SORCS2: variants seen among roughly 807,000 people sequenced by gnomAD.
The protein encoded by SORCS2 is VPS10 domain-containing receptor SorCS2.
SORCS2 carries 100 observed loss-of-function variants against 141.6 expected under a neutral mutation model. The observed-to-expected ratio is 0.71, with a 90% CI of 0.60 to 0.83. The LOEUF is 0.83. SORCS2 is among the 40% of genes least tolerant of loss of function. The pLI is 0.00. For synonymous variants in SORCS2, 789 were observed against 676.9 expected (o/e 1.17, Z -2.57); for missense variants, 1,646 against 1,560.2 (o/e 1.05, Z -0.93).
intron 2 of SORCS2, among the ~76,000 whole-genome samples, chr4:7,515,080 TGG>T (rs1224481012): frequency 1.3e-5 from 2 of 152,120 alleles, no homozygotes; most frequent in South Asian, 2.1e-4. Flanking sequence ...CTGGGAGGGA[TGG>T]GCAGGAAGGG....
intron 3 of SORCS2, among the ~76,000 whole-genome samples, chr4:7,615,266 G>C (rs1280657758): frequency 6.6e-6 from 1 of 152,212 alleles, no homozygotes; most frequent in Admixed American, 6.5e-5. Flanking sequence ...AGAGAGACAA[G>C]ACCCTCCTAT....
At chr4:7,621,369 TTGTG>T (rs1301186322) in intron 3 of SORCS2, among the ~76,000 whole-genome samples, 1 of 151,794 alleles carries the variant, frequency 6.6e-6, no homozygotes, top group African/African-American at 2.4e-5. Context: ...AGTGTTATGT[TTGTG>T]TGTCTATGTG....
chr4:7,302,091 C>T (rs1172278708), intron 1 of SORCS2, among the ~76,000 whole-genome samples: 1 of 152,250 alleles, frequency 6.6e-6, no homozygotes, highest in Admixed American at 6.5e-5. Context: ...GGTCTTAGCA[C>T]TTGATGACAC....
chr4:7,457,693 C>A (rs1298904084), intron 2 of SORCS2, among the ~76,000 whole-genome samples: 2 of 151,130 alleles, frequency 1.3e-5, no homozygotes, highest in Middle Eastern at 3.2e-3. Flanking sequence ...GTGAACACTG[C>A]AAGCTGACAG....
At chr4:7,528,378 T>TTCC (rs200235534) in intron 2 of SORCS2, among the ~76,000 whole-genome samples, 4,764 of 151,092 alleles carry the variant, frequency 0.032, 217 homozygotes, top group African/African-American at 0.1. Flanking sequence ...GGTGAGGGGC[T>TTCC]TCCTAGGCAC....
chr4:7,269,152 G>A (rs544826135), intron 1 of SORCS2, among the ~76,000 whole-genome samples: 13 of 151,992 alleles, frequency 8.6e-5, no homozygotes, highest in African/African-American at 3.1e-4. Flanking sequence ...CTGGGCAAGA[G>A]GCCTGAGGGC....
intron 1 of SORCS2, among the ~76,000 whole-genome samples, chr4:7,204,028 T>C (rs1027024862): frequency 6.6e-6 from 1 of 152,196 alleles, no homozygotes; most frequent in Non-Finnish European, 1.5e-5. Flanking sequence ...TATTCCACTG[T>C]ATGGACACCA....
intron 1 of SORCS2, among the ~76,000 whole-genome samples, chr4:7,311,800 A>G (rs1249038680): frequency 6.6e-6 from 1 of 152,116 alleles, no homozygotes; most frequent in East Asian, 1.9e-4. Flanking sequence ...TGCGTCCTTT[A>G]TCATGTATGT....
intron 3 of SORCS2, among the ~76,000 whole-genome samples, chr4:7,556,127 G>T (rs1714087768): frequency 6.6e-6 from 1 of 152,200 alleles, no homozygotes; most frequent in Admixed American, 6.5e-5. Flanking sequence ...TGGCTGGATA[G>T]GAGGGGACCC....
intron 3 of SORCS2, among the ~76,000 whole-genome samples, chr4:7,539,105 G>A (rs1169728715): frequency 6.6e-6 from 1 of 152,076 alleles, no homozygotes; most frequent in Non-Finnish European, 1.5e-5. Flanking sequence ...GAACCAGGAC[G>A]CGCCCCAGGT....
intron 1 of SORCS2, among the ~76,000 whole-genome samples, chr4:7,342,019 G>A (rs1010533424): frequency 6.6e-6 from 1 of 152,232 alleles, no homozygotes; most frequent in Non-Finnish European, 1.5e-5. Flanking sequence ...GTCATACCAT[G>A]TGTCAATACC....
At chr4:7,625,501 G>A (rs1052110781) in intron 3 of SORCS2, among the ~76,000 whole-genome samples, 4 of 151,888 alleles carry the variant, frequency 2.6e-5, no homozygotes, top group Admixed American at 6.6e-5. Flanking sequence ...CAACCCACTA[G>A]AAGGAGTTCA....
intron 5 of SORCS2, among the ~76,000 whole-genome samples, chr4:7,660,808 G>A (rs1722114128): frequency 6.6e-6 from 1 of 152,210 alleles, no homozygotes; most frequent in Non-Finnish European, 1.5e-5. Flanking sequence ...GGGGTAGGGG[G>A]TGCATTCCTC....
intron 1 of SORCS2, among the ~76,000 whole-genome samples, chr4:7,379,395 G>C (rs1050148544): frequency 6.6e-6 from 1 of 152,224 alleles, no homozygotes; most frequent in Admixed American, 6.5e-5. Flanking sequence ...ATGGGTGGAA[G>C]CACGAGAGGC....
intron 2 of SORCS2, among the ~76,000 whole-genome samples, chr4:7,519,941 A>G (rs13111375): frequency 0.091 from 13,924 of 152,228 alleles, 1,482 homozygotes; most frequent in African/African-American, 0.26. Context: ...GTCACTTGTA[A>G]AGGAGCTGGG....
intron 1 of SORCS2, among the ~76,000 whole-genome samples, chr4:7,227,745 G>A (rs1473994208): frequency 6.6e-6 from 1 of 152,196 alleles, no homozygotes; most frequent in Non-Finnish European, 1.5e-5. Flanking sequence ...CCCAAGAGCA[G>A]TGAAACCAAA....
In SORCS2 at chr4:7,396,356, G is replaced by A. The variant is rs1438496122; in HGVS notation, c.548+1G>A. 1 of 1,613,740 alleles carries A rather than the reference G, an allele frequency of 6.2e-7. No homozygotes were observed. Among genetic ancestry groups the A allele is most frequent in the Non-Finnish European group, 8.5e-7 (1 of 1,179,848 alleles). ...AGGTTCTGGAAAGTTCTCTGTGGCG[G>A]TAAGTCAGCCCGATGGCAGGCCTTT... is the stretch of plus-strand genomic sequence containing the variant. On this transcript the variant is annotated splice_donor_variant, in intron 2 of 26. Coordinates refer to ENST00000507866, the MANE Select transcript of SORCS2 (RefSeq NM_020777.3). LOFTEE classifies it high-confidence loss of function.
At chr4:7,655,278 G>T (rs1721692594) in intron 5 of SORCS2, among the ~76,000 whole-genome samples, 1 of 151,890 alleles carries the variant, frequency 6.6e-6, no homozygotes, top group South Asian at 2.1e-4. Context: ...CCATTGCACG[G>T]GCCTCCTGCG....
chr4:7,601,783 A>G (rs1481930582), intron 3 of SORCS2, among the ~76,000 whole-genome samples: 1 of 152,068 alleles, frequency 6.6e-6, no homozygotes, highest in African/African-American at 2.4e-5. Context: ...ATGTGAACAA[A>G]GGTCTCTGGT....
Sources: allele counts gnomAD v4.1 joint callset (sites outside exome capture counted in the v4.1 genomes callset), GRCh38; gene constraint gnomAD v4.1.1; transcripts MANE v1.5; gene names NCBI Gene and HGNC (gene_info 2026-07-23, HGNC 2026-07-21).